The following AOPEP variants were observed in gnomAD, a reference collection of about 807,000 sequenced individuals.
AOPEP encodes the protein aminopeptidase O.
In AOPEP, 77 loss-of-function variants were observed where a neutral mutation model predicts 98.1. The observed-to-expected ratio is 0.78, with a 90% CI of 0.65 to 0.95. The LOEUF (loss-of-function observed/expected upper bound fraction) is 0.95, where lower values mean the gene tolerates loss of function less well. Ranked by LOEUF, AOPEP falls within the 40% of genes least tolerant of loss-of-function variation. The pLI, the probability that AOPEP is intolerant of heterozygous loss-of-function variation, is 0.00. For missense variants in AOPEP, 1,024 were observed against 1,024.7 expected (o/e 1.00, Z 0.01); for synonymous variants, 346 against 365.3 (o/e 0.95, Z 0.60).
Position 94,980,584 on chromosome 9 carries a change from CA to C in AOPEP, c.1977+1158del, listed in dbSNP as rs1482020177. ...TGTCAGCCATCAGCAACCATAAGCT[CA>C]TTCCTAAAAAAGGACAGTTTGCCTT... On this transcript the variant is annotated intron_variant, in intron 11 of 16. Transcript: ENST00000375315. The surrounding 1 kb of genome is among the most constrained non-coding windows in gnomAD (Gnocchi z 4.3). Among the ~76,000 whole-genome samples, 2 of 152,214 alleles carry C rather than the reference CA, an allele frequency of 1.3e-5. No individual in the cohort carries two copies. Among genetic ancestry groups the C allele is most frequent in the Non-Finnish European group, 2.9e-5 (2 of 68,042 alleles).
chr9:95,129,985 T>C, the AOPEP span, among the ~76,000 whole-genome samples: 1 of 152,068 alleles, frequency 6.6e-6, no homozygotes. Context: ...AGAAAGCCCA[T>C]CTTCATCCCT....
At chr9:94,774,278 C>T (rs1841572380) in intron 3 of AOPEP, among the ~76,000 whole-genome samples, 1 of 131,466 alleles carries the variant, frequency 7.6e-6, no homozygotes. Context: ...CGCCACTGCA[C>T]TCCAGCCTGG....
chr9:94,914,166 A>C (rs1487851282), intron 5 of AOPEP, among the ~76,000 whole-genome samples: 1 of 152,252 alleles, frequency 6.6e-6, no homozygotes, highest in Admixed American at 6.5e-5. Flanking sequence ...TGATGGAGAC[A>C]TGGATGTAAG....
At chr9:94,812,111 T>C (rs1278580229) in intron 5 of AOPEP, among the ~76,000 whole-genome samples, 1 of 152,188 alleles carries the variant, frequency 6.6e-6, no homozygotes, top group Admixed American at 6.5e-5. Flanking sequence ...TCCTGTACTA[T>C]GTTTCTAAAG....
At chr9:94,885,982 T>C (rs1564322563) in intron 5 of AOPEP, among the ~76,000 whole-genome samples, 1 of 152,214 alleles carries the variant, frequency 6.6e-6, no homozygotes, top group Non-Finnish European at 1.5e-5. Flanking sequence ...AACGAACAAC[T>C]GACCCACCAT....
intron 9 of AOPEP, among the ~76,000 whole-genome samples, chr9:94,958,536 G>A (rs77074676): frequency 0.061 from 9,264 of 152,172 alleles, 332 homozygotes; most frequent in South Asian, 0.13. Flanking sequence ...GTTTTTTCAC[G>A]CACTTGCCAA....
intron 14 of AOPEP, among the ~76,000 whole-genome samples, chr9:95,071,005 T>A (rs1391590010): frequency 6.6e-6 from 1 of 152,038 alleles, no homozygotes; most frequent in African/African-American, 2.4e-5. Context: ...TGTAGTGTCA[T>A]CAGAAGACGG....
rs80060505 is a variant in AOPEP, at chr9:94,751,888, C to CTT, written c.-135-7740_-135-7739dup. ...ACTGTGAACAGAGTACCCATGAAAA[C>CTT]TTTTTTTTTTTTTTTTTTTTTTGAG... is the stretch of plus-strand genomic sequence containing the variant. On this transcript the variant is annotated intron_variant, in intron 1 of 16. Transcript: ENST00000375315. 9.1e-3 allele frequency among the ~76,000 whole-genome samples: 955 copies of CTT among 104,418 alleles called. 28 individuals are homozygous for CTT. The highest frequency in any genetic ancestry group is 0.031 in the African/African-American group (795 of 26,056). 68.5% of individuals were successfully genotyped at this position (104,418 alleles called of 152,430 possible).
At chr9:95,082,880 G>A in intron 16 of AOPEP, 161 bp downstream of exon 16, 2 of 743,886 alleles carry the variant, frequency 2.7e-6, no homozygotes, top group Non-Finnish European at 4.2e-6. Flanking sequence ...AGTGGGTGCT[G>A]GGCTGGTATG....
chr9:95,139,361 T>C, the AOPEP span, among the ~76,000 whole-genome samples: 1 of 152,200 alleles, frequency 6.6e-6, no homozygotes, highest in African/African-American at 2.4e-5. Context: ...TGGCCAGTCA[T>C]GTGGTGCCAC....
chr9:95,125,757 C>T, the AOPEP span, among the ~76,000 whole-genome samples: 1 of 152,160 alleles, frequency 6.6e-6, no homozygotes, highest in African/African-American at 2.4e-5. Context: ...AATTCCTTTC[C>T]CCAAAGTCTG....
chr9:95,082,230 C>T (rs1256056817), intron 15 of AOPEP, among the ~76,000 whole-genome samples: 2 of 152,158 alleles, frequency 1.3e-5, no homozygotes, highest in Non-Finnish European at 2.9e-5. Flanking sequence ...ACAGGCTCTC[C>T]GCGTGGTAAT....
At chr9:94,858,336 T>C (rs2044493736) in intron 5 of AOPEP, among the ~76,000 whole-genome samples, 1 of 151,476 alleles carries the variant, frequency 6.6e-6, no homozygotes, top group Admixed American at 6.6e-5. Flanking sequence ...GATTCTATAT[T>C]AGTTTCCTGT....
downstream of AOPEP, among the ~76,000 whole-genome samples, chr9:95,090,924 G>T (rs1214119332): frequency 2.0e-5 from 3 of 152,192 alleles, no homozygotes; most frequent in Non-Finnish European, 4.4e-5. Flanking sequence ...AGCATGGAGG[G>T]AGGCCAGCCA....
rs995448732 is a variant in AOPEP, at chr9:94,972,638, T to G, written c.1916+4837T>G. ...TCTACCCAAGCACAAATGAATGTTT[T>G]GATCAAGAAAATAAATCAGCTGGGC... On this transcript the variant is annotated intron_variant, in intron 10 of 16. Coordinates refer to ENST00000375315, the MANE Select transcript of AOPEP (RefSeq NM_001193329.3). This position sits in a 1 kb window ranked among gnomAD's most constrained non-coding sequence, Gnocchi z 4.2. 6.6e-6 allele frequency among the ~76,000 whole-genome samples: 1 copy of G among 152,172 alleles called. No individual in the cohort carries two copies. The highest frequency in any genetic ancestry group is 2.4e-5 in the African/African-American group (1 of 41,432).
chr9:94,987,789 T>C (rs1057102254), intron 11 of AOPEP, among the ~76,000 whole-genome samples: 2 of 152,176 alleles, frequency 1.3e-5, no homozygotes, highest in Non-Finnish European at 2.9e-5. Context: ...TTGTTTTACA[T>C]AGAGGGCAGG....
chr9:95,118,391 A>G, the AOPEP span, among the ~76,000 whole-genome samples: 1 of 152,278 alleles, frequency 6.6e-6, no homozygotes, highest in Non-Finnish European at 1.5e-5. Context: ...AGCTACAGCT[A>G]TCTATGCCCC....
chr9:94,906,494 C>T (rs2051174117), intron 5 of AOPEP, among the ~76,000 whole-genome samples: 1 of 76,894 alleles, frequency 1.3e-5, no homozygotes. Context: ...AAAAAACAGA[C>T]CCCCTCTCTA....
chr9:95,143,283 T>C, the AOPEP span, among the ~76,000 whole-genome samples: 1 of 152,206 alleles, frequency 6.6e-6, no homozygotes, highest in Non-Finnish European at 1.5e-5. Flanking sequence ...ACCACCAATC[T>C]GGAAGCTATT....
Sources: gnomAD v4.1 joint callset for allele counts (sites outside exome capture counted in the v4.1 genomes callset) on GRCh38, gnomAD v4.1.1 for gene constraint, Gnocchi (gnomAD v3.1) non-coding constraint, MANE v1.5 for transcripts, NCBI Gene and HGNC (gene_info 2026-07-23, HGNC 2026-07-21) for gene names.